VWF: variants seen among roughly 807,000 people sequenced by gnomAD.
VWF encodes the protein von Willebrand factor.
A neutral mutation model predicts 308.6 loss-of-function variants in VWF; 176 were observed. The observed-to-expected ratio is 0.57, with a 90% CI of 0.50 to 0.65. VWF has a LOEUF of 0.65. VWF is among the 30% of genes least tolerant of loss of function. VWF has a pLI of 0.00. For missense variants in VWF, 3,146 were observed against 3,648.2 expected (o/e 0.86, Z 3.55); for synonymous variants, 1,385 against 1,443.4 (o/e 0.96, Z 0.92).
intron 7 of VWF, among the ~76,000 whole-genome samples, chr12:6,074,587 T>C (rs1368063166): frequency 6.6e-6 from 1 of 151,772 alleles, no homozygotes; most frequent in Non-Finnish European, 1.5e-5. Context: ...GGCAGAAAGT[T>C]TGAATTCAGC....
intron 11 of VWF, 139 bp from the exon 12 acceptor site, chr12:6,064,523 A>C (rs769339268): frequency 7.3e-7 from 1 of 1,360,916 alleles, no homozygotes; most frequent in Non-Finnish European, 1.0e-6. Context: ...ATTCTCCCAG[A>C]ATACTCCATG....
chr12:6,085,949 A>G (rs2136486644), intron 6 of VWF, among the ~76,000 whole-genome samples: 1 of 152,326 alleles, frequency 6.6e-6, no homozygotes, highest in South Asian at 2.1e-4. Context: ...GCAAAACCCC[A>G]TGGTAGCCAC....
At chr12:5,982,123 G>T in intron 41 of VWF, 132 bp from the exon 42 acceptor site, 1 of 788,156 alleles carries the variant, frequency 1.3e-6, no homozygotes, top group Non-Finnish European at 2.1e-6. Flanking sequence ...CCAAGCTCAC[G>T]GGCTGGGAGT....
At chr12:6,071,490 G>A in intron 9 of VWF, 147 bp from the exon 10 acceptor site, 1 of 896,640 alleles carries the variant, frequency 1.1e-6, no homozygotes, top group Non-Finnish European at 1.8e-6. Flanking sequence ...ATCTTCATAG[G>A]GTTAAAATTG....
chr12:5,982,469 A>C (rs1041436588), intron 41 of VWF, among the ~76,000 whole-genome samples: 2 of 152,206 alleles, frequency 1.3e-5, no homozygotes, highest in Non-Finnish European at 2.9e-5. Context: ...GATTGCCAGC[A>C]ATCTTGTCAA....
At position 5,953,690 on chromosome 12, in the gene VWF, C is replaced by T; in HGVS notation, c.7888-96G>A. The T allele has an allele frequency of 5.3e-6, 5 of 940,874 alleles. No homozygotes were observed. The South Asian group carries it at 6.7e-5, about 13-fold the overall frequency. The allele number at this position is 940,874 out of a possible 1,614,324, so 58.3% of individuals were successfully genotyped here. A position where few individuals can be genotyped will look rare whatever the true frequency, so the allele number is the denominator to read the frequency against. ...TTTGCTGGCCTCTCATCTCTCTCAT[C>T]CAGTAGTTTCACCTAGAATTCGGAA... is the stretch of plus-strand genomic sequence containing the variant. On this transcript the variant is annotated intron_variant, in intron 47 of 51. Transcript: ENST00000261405.
rs771958356 is a variant in VWF at position 5,985,548 on chromosome 12, G to C, written c.6901+15C>G. ...TGTTCCTCCATGAAGGCACCAGGGA[G>C]GGGAGGACTCTCACCTTTGGCCGTG... On this transcript the variant is annotated intron_variant, in intron 39 of 51. Transcript: ENST00000261405. The C allele has an allele frequency of 2.5e-6, 4 of 1,613,092 alleles. No individual in the cohort carries two copies. Among genetic ancestry groups the C allele is most frequent in the East Asian group, 4.5e-5 (2 of 44,868 alleles).
At chr12:6,006,404 C>G (rs781466563) in intron 34 of VWF, among the ~76,000 whole-genome samples, 6 of 152,134 alleles carry the variant, frequency 3.9e-5, no homozygotes, top group Non-Finnish European at 7.4e-5. Flanking sequence ...AAGTCCTTCC[C>G]TATCCATAGT....
In VWF at chr12:6,058,065, C is replaced by T; in HGVS notation, c.1534-21G>A. 6.2e-7 allele frequency: 1 copy of T among 1,612,540 alleles called. No homozygotes were observed. Among genetic ancestry groups the T allele is most frequent in the Non-Finnish European group, 8.5e-7 (1 of 1,179,910 alleles). On this transcript the variant is annotated intron_variant, in intron 13 of 51. Transcript: ENST00000261405. The surrounding 1 kb of genome is among the most constrained non-coding windows in gnomAD (Gnocchi z 4.9). ...GACAGCTGCAGGAGAGACCAGGCCA[C>T]TCTGGAGCCGCTGCCGCGAAAGCAG...
At chr12:6,011,938 C>A in intron 33 of VWF, 144 bp from the exon 34 acceptor site, 1 of 1,263,026 alleles carries the variant, frequency 7.9e-7, no homozygotes, top group Non-Finnish European at 1.2e-6. Context: ...GGAAGCAAAA[C>A]ACAAGATGTA....
At chr12:6,031,697 C>T in intron 20 of VWF, 119 bp from the exon 21 acceptor site, 1 of 1,482,800 alleles carries the variant, frequency 6.7e-7, no homozygotes, top group Admixed American at 1.8e-5. Context: ...TTGCCACGTC[C>T]ATGGCTGCGC....
In VWF at chr12:6,041,388, C is replaced by A. The variant is rs540202701; in HGVS notation, c.2442+2903G>T. Among the ~76,000 whole-genome samples, 13 of 151,796 alleles carry A rather than the reference C, an allele frequency of 8.6e-5. 1 individual carries two copies. In the South Asian group the frequency reaches 2.5e-3, roughly 29 times the overall value. ...GGGGTTGCAGTGAGCCGAGACCATGCCACTGCACTGCAGCCTGGGTGACAG... is the reference window on the plus strand; with the variant it reads ...GGGGTTGCAGTGAGCCGAGACCATGACACTGCACTGCAGCCTGGGTGACAG... On this transcript the variant is annotated intron_variant, in intron 18 of 51. Coordinates refer to ENST00000261405, the MANE Select transcript of VWF (RefSeq NM_000552.5).
intron 46 of VWF, among the ~76,000 whole-genome samples, chr12:5,967,883 A>G (rs368274095): frequency 6.6e-6 from 1 of 152,210 alleles, no homozygotes; most frequent in African/African-American, 2.4e-5. Context: ...TGCACACAGA[A>G]GAAATGCACA....
intron 6 of VWF, among the ~76,000 whole-genome samples, chr12:6,088,572 C>A (rs989617850): frequency 6.6e-6 from 1 of 152,080 alleles, no homozygotes. Context: ...CCAAGCCCAG[C>A]CCCCCGGAGC....
Position 6,019,431 on chromosome 12 carries a change from G to C in VWF, c.3987C>G (p.Ile1329Met), listed in dbSNP as rs138413641. Residue 1329 changes from isoleucine to methionine, a missense_variant, in exon 28 of 52, where the codon ATC (isoleucine) becomes ATG (methionine). Transcript: ENST00000261405. This position sits in a 1 kb window ranked among gnomAD's most constrained non-coding sequence, Gnocchi z 5.8. ...ACGGTCGCTTCCGGTCCTTGAGCCC[G>C]ATGTAGGCGTGGGAGCCGTCGTGGT... is the stretch of plus-strand genomic sequence containing the variant. ...VEYHDGSHAY[I>M]GLKDRKRPSE... The C allele has an allele frequency of 3.0e-5, 48 of 1,613,788 alleles. No individual in the cohort carries two copies. Among genetic ancestry groups the C allele is most frequent in the Non-Finnish European group, 3.9e-5 (46 of 1,179,872 alleles).
intron 18 of VWF, among the ~76,000 whole-genome samples, chr12:6,037,940 C>T (rs1320169478): frequency 6.6e-6 from 1 of 152,190 alleles, no homozygotes. Flanking sequence ...GAAGAATCCT[C>T]CACTGCTTAA....
In VWF at chr12:6,068,832, T is replaced by TGTGTGTG. The variant is rs1565851315; in HGVS notation, c.1156+2464_1156+2465insCACACAC. 4.5e-3 allele frequency among the ~76,000 whole-genome samples: 457 copies of TGTGTGTG among 100,946 alleles called. 1 individual carries two copies. Among genetic ancestry groups the TGTGTGTG allele is most frequent in the African/African-American group, 0.023 (404 of 17,676 alleles). 66.2% of individuals were successfully genotyped at this position (100,946 alleles called of 152,430 possible). A position where few individuals can be genotyped will look rare whatever the true frequency, so the allele number is the denominator to read the frequency against. On this transcript the variant is annotated intron_variant, in intron 10 of 51. Transcript: ENST00000261405. ...CTTTTTCTTCCTTTTTTTTTTTTTTTTGCGTGTGTGTGTGTGTGTGTGTGT... is the reference window on the plus strand; with the variant it reads ...CTTTTTCTTCCTTTTTTTTTTTTTTTGTGTGTGTGCGTGTGTGTGTGTGTGTGTGTGT...
intron 34 of VWF, among the ~76,000 whole-genome samples, chr12:6,010,696 T>C (rs1943984007): frequency 1.3e-5 from 2 of 152,202 alleles, no homozygotes. Flanking sequence ...TGACATCGAG[T>C]AATTTCCAGG....
At chr12:5,998,455 G>A (rs1353703951) in intron 34 of VWF, among the ~76,000 whole-genome samples, 3 of 103,426 alleles carry the variant, frequency 2.9e-5, no homozygotes, top group East Asian at 2.8e-4. Context: ...CCGAGATTCC[G>A]AGACTCCGTC....
Sources: gnomAD v4.1 joint callset for allele counts (sites outside exome capture counted in the v4.1 genomes callset) on GRCh38, gnomAD v4.1.1 for gene constraint, Gnocchi (gnomAD v3.1) non-coding constraint, MANE v1.5 for transcripts, NCBI Gene and HGNC (gene_info 2026-07-23, HGNC 2026-07-21) for gene names.